The following EMCN variants were observed in gnomAD, a reference collection of about 807,000 sequenced individuals.
The protein encoded by EMCN is MUC-14.
EMCN carries 37 observed loss-of-function variants against 38.4 expected under a neutral mutation model. The ratio of observed to expected loss-of-function variants is 0.96; its 90% CI spans 0.74 to 1.27. The LOEUF (loss-of-function observed/expected upper bound fraction) is 1.27, where lower values mean the gene tolerates loss of function less well. Among genes scored for constraint, EMCN ranks in the 50% most tolerant of loss-of-function variants. EMCN has a pLI of 0.00. For synonymous variants in EMCN, 95 were observed against 100.8 expected, an observed-to-expected ratio of 0.94 and a Z score of 0.35; for missense variants, 318 against 302.8, an observed-to-expected ratio of 1.05 and a Z score of -0.37.
chr4:100,470,637 G>C (rs1214921268), intron 3 of EMCN, among the ~76,000 whole-genome samples: 5 of 151,888 alleles, frequency 3.3e-5, no homozygotes, highest in Admixed American at 6.6e-5. Context: ...CAACCTAAAT[G>C]ACCCATCAAT....
At chr4:100,475,733 A>G (rs1728627790) in intron 2 of EMCN, among the ~76,000 whole-genome samples, 1 of 128,198 alleles carries the variant, frequency 7.8e-6, no homozygotes, top group African/African-American at 3.1e-5. Flanking sequence ...GCTGGAGTGC[A>G]GTGGCGCGAT....
chr4:100,488,126 C>A (rs1728987234), intron 1 of EMCN, among the ~76,000 whole-genome samples: 1 of 152,178 alleles, frequency 6.6e-6, no homozygotes, highest in Admixed American at 6.5e-5. Flanking sequence ...GCTGGGCCTC[C>A]ATTTTTTCAT....
rs1726144266 is a variant in EMCN at position 100,397,276 on chromosome 4, C to A, written c.*1137G>T. The A allele has an allele frequency of 6.6e-6, 1 of 152,128 alleles. No homozygotes were observed. Among genetic ancestry groups the A allele is most frequent in the Non-Finnish European group, 1.5e-5 (1 of 68,020 alleles). 9.4% of individuals were successfully genotyped at this position (152,128 alleles called of 1,614,324 possible). A position where few individuals can be genotyped will look rare whatever the true frequency, so the allele number is the denominator to read the frequency against. On this transcript the variant is annotated 3_prime_UTR_variant, in exon 12 of 12. Coordinates refer to ENST00000296420, the MANE Select transcript of EMCN (RefSeq NM_016242.4). ...CTAAAGCTTTCCAAAAAACCTCAGC[C>A]AACTTGACACTTTGATCTCACATGT...
intron 5 of EMCN, among the ~76,000 whole-genome samples, chr4:100,445,227 T>C (rs1727635170): frequency 6.6e-6 from 1 of 152,302 alleles, no homozygotes; most frequent in South Asian, 2.1e-4. Context: ...AAGCTTTTAG[T>C]TGGCCATCTT....
At chr4:100,460,254 C>G (rs1240645022) in intron 4 of EMCN, among the ~76,000 whole-genome samples, 1 of 152,030 alleles carries the variant, frequency 6.6e-6, no homozygotes, top group Non-Finnish European at 1.5e-5. Flanking sequence ...AGGTCCTTGG[C>G]CCATTTTAAA....
intron 2 of EMCN, among the ~76,000 whole-genome samples, chr4:100,476,973 T>C (rs966368635): frequency 2.6e-5 from 4 of 152,190 alleles, no homozygotes; most frequent in African/African-American, 9.6e-5. Flanking sequence ...AAGAATGTTT[T>C]TAAAATTTTG....
chr4:100,422,735 C>A (rs951213617), intron 7 of EMCN, among the ~76,000 whole-genome samples: 4 of 151,596 alleles, frequency 2.6e-5, no homozygotes, highest in African/African-American at 7.3e-5. Context: ...GGCCCTTGAT[C>A]GTAATTGTTA....
At chr4:100,421,497 CAT>C in intron 7 of EMCN, 120 bp from the exon 8 acceptor site, 1 of 760,694 alleles carries the variant, frequency 1.3e-6, no homozygotes, top group Non-Finnish European at 2.2e-6. Context: ...CTATTAAAAA[CAT>C]ATTTTAGGCA....
At chr4:100,456,664 T>G (rs1728025764) in intron 4 of EMCN, among the ~76,000 whole-genome samples, 1 of 152,148 alleles carries the variant, frequency 6.6e-6, no homozygotes, top group African/African-American at 2.4e-5. Flanking sequence ...TCCTCTTTGA[T>G]CAAGAGACAC....
intron 10 of EMCN, among the ~76,000 whole-genome samples, chr4:100,414,912 T>A (rs1726671589): frequency 6.6e-6 from 1 of 152,206 alleles, no homozygotes; most frequent in Admixed American, 6.5e-5. Flanking sequence ...TCTATATTTT[T>A]ATTTTTTTTA....
chr4:100,455,491 A>G (rs984492620), intron 4 of EMCN, among the ~76,000 whole-genome samples: 2 of 149,344 alleles, frequency 1.3e-5, no homozygotes, highest in Non-Finnish European at 3.0e-5. Context: ...AAATATTTAC[A>G]GAATTCTAGG....
chr4:100,413,964 G>A (rs192002960), intron 10 of EMCN, among the ~76,000 whole-genome samples: 1 of 152,252 alleles, frequency 6.6e-6, no homozygotes, highest in Admixed American at 6.5e-5. Flanking sequence ...GAGCCTACAC[G>A]GAATTTTCCC....
chr4:100,517,823 C>T lies in EMCN; in HGVS notation c.64+28G>A, dbSNP rs748375342. 16 of 1,608,532 alleles carry T rather than the reference C, an allele frequency of 9.9e-6. No homozygotes were observed. In the South Asian group the frequency reaches 1.8e-4, roughly 18 times the overall value. On this transcript the variant is annotated intron_variant, in intron 1 of 11. Transcript: ENST00000296420. ...ACCTACTAGTGATTTCCAATCCGTA[C>T]CACCAGAGGAATAAGAGACAAAAAT...
intron 2 of EMCN, among the ~76,000 whole-genome samples, chr4:100,477,882 G>C (rs736517): frequency 0.45 from 68,388 of 151,798 alleles, 16,985 homozygotes; most frequent in East Asian, 0.73. Flanking sequence ...AAGCCCCTCA[G>C]AGTCCTGAAA....
chr4:100,406,578 T>G (rs193041887), intron 11 of EMCN, among the ~76,000 whole-genome samples: 1 of 152,296 alleles, frequency 6.6e-6, no homozygotes, highest in East Asian at 1.9e-4. Flanking sequence ...TCTACTCTTA[T>G]TGTGCTGTGG....
At chr4:100,416,070 T>TAA (rs1726722598) in intron 9 of EMCN, 111 bp from the exon 10 acceptor site, 2 of 579,292 alleles carry the variant, frequency 3.5e-6, no homozygotes, top group Non-Finnish European at 6.0e-6. Context: ...TATATATATA[T>TAA]AATGTGTGTG....
At chr4:100,446,837 C>T (rs748458695) in intron 5 of EMCN, among the ~76,000 whole-genome samples, 3 of 152,074 alleles carry the variant, frequency 2.0e-5, no homozygotes, top group Non-Finnish European at 4.4e-5. Flanking sequence ...TGAGAACATG[C>T]GGAATTTGGT....
At chr4:100,479,566 T>A (rs905462404) in intron 2 of EMCN, among the ~76,000 whole-genome samples, 2 of 152,130 alleles carry the variant, frequency 1.3e-5, no homozygotes, top group Non-Finnish European at 2.9e-5. Context: ...AGTTTCACCA[T>A]GTTGGCTGTG....
At chr4:100,403,444 C>A (rs1463695560) in intron 11 of EMCN, among the ~76,000 whole-genome samples, 2 of 134,284 alleles carry the variant, frequency 1.5e-5, no homozygotes, top group Non-Finnish European at 3.2e-5. Flanking sequence ...TAGTCCACCA[C>A]TGATGGGCAT....
Sources: allele counts gnomAD v4.1 joint callset (sites outside exome capture counted in the v4.1 genomes callset), GRCh38; gene constraint gnomAD v4.1.1; transcripts MANE v1.5; gene names NCBI Gene and HGNC (gene_info 2026-07-23, HGNC 2026-07-21).